The following FOXP2 variants were observed in gnomAD, a reference collection of about 807,000 sequenced individuals.
FOXP2 encodes the protein forkhead box protein P2.
Under a neutral mutation model 115.8 loss-of-function variants are expected in FOXP2, and 12 were observed. That is an observed-to-expected ratio of 0.10 (90% confidence interval 0.07 to 0.17). FOXP2 has a LOEUF of 0.17. Among genes scored for constraint, FOXP2 ranks in the 10% least tolerant of loss-of-function variants. The pLI is 1.00. For synonymous variants in FOXP2, 328 were observed against 297.7 expected (o/e 1.10, Z -1.05); for missense variants, 629 against 843.5 (o/e 0.75, Z 3.15).
chr7:114,516,756 C>T (rs1160060005), intron 2 of FOXP2, among the ~76,000 whole-genome samples: 7 of 151,638 alleles, frequency 4.6e-5, no homozygotes, highest in Admixed American at 2.0e-4. Flanking sequence ...AATGCAGTGG[C>T]GCAATCTCTG....
intron 3 of FOXP2, among the ~76,000 whole-genome samples, chr7:114,536,673 T>C (rs996360756): frequency 1.3e-4 from 19 of 151,474 alleles, no homozygotes; most frequent in Admixed American, 1.2e-3. Context: ...ACAAAGACTT[T>C]CATTGTGTCA....
At chr7:114,162,001 G>A (rs1182970278), upstream of FOXP2, among the ~76,000 whole-genome samples, 1 of 151,906 alleles carries the variant, frequency 6.6e-6, no homozygotes, top group Non-Finnish European at 1.5e-5. Flanking sequence ...CAGGATGGTC[G>A]TGAACCCCTG....
intron 1 of FOXP2, among the ~76,000 whole-genome samples, chr7:114,190,952 C>A (rs1793743534): frequency 6.6e-6 from 1 of 152,100 alleles, no homozygotes; most frequent in Non-Finnish European, 1.5e-5. Flanking sequence ...TCTTAAACAG[C>A]TTAAATCAGT....
At chr7:114,619,376 AT>A (rs1804114828) in intron 3 of FOXP2, among the ~76,000 whole-genome samples, 1 of 152,130 alleles carries the variant, frequency 6.6e-6, no homozygotes, top group Admixed American at 6.5e-5. Flanking sequence ...AAGAGCAATT[AT>A]TTTTAATACA....
chr7:114,572,565 G>T (rs1300333045), intron 3 of FOXP2, among the ~76,000 whole-genome samples: 1 of 151,640 alleles, frequency 6.6e-6, no homozygotes. Context: ...ACTTAATAAA[G>T]AAAATTAACT....
At chr7:114,600,369 T>C (rs193271291) in intron 3 of FOXP2, among the ~76,000 whole-genome samples, 126 of 152,354 alleles carry the variant, frequency 8.3e-4, no homozygotes, top group Non-Finnish European at 1.4e-3. Flanking sequence ...TTTTTTTCAC[T>C]GAATGATAAT....
intron 1 of FOXP2, among the ~76,000 whole-genome samples, chr7:114,196,619 C>G (rs1215981654): frequency 2.0e-5 from 3 of 152,102 alleles, no homozygotes; most frequent in Non-Finnish European, 4.4e-5. Flanking sequence ...TTGTGTCAGT[C>G]ATTTAAGAGT....
rs757215761 is a variant in FOXP2, at chr7:114,692,223, C to T, written c.*2297C>T. Reference sequence around the variant, plus strand: ...GAAGTAACTGCGAGAGTTGTACCATCAGAAGGGTGGCCTAAGACTACAATG... The same window carrying T: ...GAAGTAACTGCGAGAGTTGTACCATTAGAAGGGTGGCCTAAGACTACAATG... On this transcript the variant is annotated 3_prime_UTR_variant, in exon 17 of 17. Transcript: ENST00000350908. 2.2e-6 allele frequency: 1 copy of T among 453,908 alleles called. No individual in the cohort carries two copies. The highest frequency in any genetic ancestry group is 1.6e-5 in the South Asian group (1 of 64,462). The allele number at this position is 453,908 out of a possible 1,614,324, so 28.1% of individuals were successfully genotyped here. A position where few individuals can be genotyped will look rare whatever the true frequency, so the allele number is the denominator to read the frequency against.
intron 2 of FOXP2, among the ~76,000 whole-genome samples, chr7:114,446,552 T>C (rs1193776445): frequency 6.6e-6 from 1 of 152,024 alleles, no homozygotes; most frequent in Non-Finnish European, 1.5e-5. Context: ...AGCTGATTTA[T>C]ATATAATCAT....
chr7:114,583,291 A>G (rs1328356389), intron 3 of FOXP2, among the ~76,000 whole-genome samples: 1 of 152,098 alleles, frequency 6.6e-6, no homozygotes, highest in Non-Finnish European at 1.5e-5. Context: ...AGGCAGGAGA[A>G]TCCCTTTAAC....
intron 2 of FOXP2, among the ~76,000 whole-genome samples, chr7:114,369,940 T>G (rs1791963807): frequency 6.6e-6 from 1 of 152,218 alleles, no homozygotes; most frequent in African/African-American, 2.4e-5. Flanking sequence ...GAAAACATTT[T>G]GATTAGATGT....
chr7:114,234,443 A>G (rs1005934667), intron 1 of FOXP2, among the ~76,000 whole-genome samples: 4 of 152,236 alleles, frequency 2.6e-5, no homozygotes, highest in South Asian at 2.1e-4. Flanking sequence ...TAAACATCCA[A>G]TGCAGTCGTA....
In FOXP2 at chr7:114,691,697, T is replaced by C. The variant is rs749996932; in HGVS notation, c.*1771T>C. 1.2e-4 allele frequency: 56 copies of C among 454,160 alleles called. No individual in the cohort carries two copies. The highest frequency in any genetic ancestry group is 1.0e-3 in the African/African-American group (51 of 50,100). 28.1% of individuals were successfully genotyped at this position (454,160 alleles called of 1,614,324 possible). ...GACCTCATAACCTGATTATGGTTAT[T>C]GCTTTACAAACAGTTTTGACAGAAG... On this transcript the variant is annotated 3_prime_UTR_variant, in exon 17 of 17. Coordinates refer to ENST00000350908, the MANE Select transcript of FOXP2 (RefSeq NM_014491.4).
chr7:114,211,241 G>C (rs1794339919), intron 1 of FOXP2, among the ~76,000 whole-genome samples: 1 of 152,182 alleles, frequency 6.6e-6, no homozygotes, highest in Non-Finnish European at 1.5e-5. Context: ...AGGGATCCCG[G>C]GGCCAGAGTA....
intron 2 of FOXP2, among the ~76,000 whole-genome samples, chr7:114,441,336 C>A (rs1268323438): frequency 6.6e-6 from 1 of 151,996 alleles, no homozygotes; most frequent in Non-Finnish European, 1.5e-5. Context: ...CCTGTAGTCC[C>A]AGCTACTTGG....
intron 3 of FOXP2, among the ~76,000 whole-genome samples, chr7:114,555,971 G>T (rs1584890553): frequency 6.6e-6 from 1 of 152,126 alleles, no homozygotes; most frequent in East Asian, 1.9e-4. Context: ...TACCTGTCAG[G>T]AACCACTGCT....
intron 1 of FOXP2, among the ~76,000 whole-genome samples, chr7:114,247,478 T>C (rs545390985): frequency 1.4e-4 from 21 of 152,328 alleles, no homozygotes; most frequent in African/African-American, 5.0e-4. Context: ...TCCTTTAGAA[T>C]TTTTATATCC....
chr7:114,656,469 A>G (rs894541435), intron 10 of FOXP2: 5 of 452,648 alleles, frequency 1.1e-5, no homozygotes, highest in Admixed American at 4.8e-5. Context: ...ACAGATGCAT[A>G]TGGATGTTTC....
At chr7:114,549,692 C>T (rs1800105095) in intron 3 of FOXP2, among the ~76,000 whole-genome samples, 1 of 152,060 alleles carries the variant, frequency 6.6e-6, no homozygotes, top group Non-Finnish European at 1.5e-5. Flanking sequence ...GCATGCTTTC[C>T]AGTAATTATC....
Sources: allele counts gnomAD v4.1 joint callset (sites outside exome capture counted in the v4.1 genomes callset), GRCh38; gene constraint gnomAD v4.1.1; transcripts MANE v1.5; gene names NCBI Gene and HGNC (gene_info 2026-07-23, HGNC 2026-07-21).